Variants in IQCM observed in about 807,000 individuals in gnomAD.
IQCM encodes the protein IQ domain-containing protein M.
A neutral mutation model predicts 57.6 loss-of-function variants in IQCM; 45 were observed. That is an observed-to-expected ratio of 0.78 (90% CI 0.62 to 1.00). IQCM has a LOEUF of 1.00. IQCM is among the 50% of genes least tolerant of loss of function. The pLI, the probability that IQCM is intolerant of heterozygous loss-of-function variation, is 0.00. For synonymous variants in IQCM, 148 were observed against 158.9 expected, an observed-to-expected ratio of 0.93 and a Z score of 0.51; for missense variants, 468 against 511.6, an observed-to-expected ratio of 0.91 and a Z score of 0.82.
chr4:149,566,553 G>C (rs1039870301), intron 9 of IQCM, among the ~76,000 whole-genome samples: 5 of 152,094 alleles, frequency 3.3e-5, no homozygotes, highest in Non-Finnish European at 5.9e-5. Context: ...CAAAGAAAGA[G>C]AGACACAGAC....
At chr4:149,614,662 T>C (rs935254897) in intron 8 of IQCM, among the ~76,000 whole-genome samples, 3 of 120,336 alleles carry the variant, frequency 2.5e-5, no homozygotes, top group African/African-American at 2.8e-5. Context: ...CTGGGCAACA[T>C]TGGAAGAAGA....
chr4:149,495,708 G>A (rs1742583801), intron 12 of IQCM, among the ~76,000 whole-genome samples: 1 of 152,078 alleles, frequency 6.6e-6, no homozygotes, highest in Non-Finnish European at 1.5e-5. Context: ...AGAGCAGGGT[G>A]GAGCTGCCAG....
intron 2 of IQCM, among the ~76,000 whole-genome samples, chr4:149,751,697 T>C (rs1768462645): frequency 1.3e-5 from 2 of 152,208 alleles, no homozygotes; most frequent in Non-Finnish European, 2.9e-5. Context: ...AAGTACTCAT[T>C]TCCATATCTG....
At chr4:149,627,805 A>G (rs1246692579) in intron 7 of IQCM, among the ~76,000 whole-genome samples, 1 of 152,196 alleles carries the variant, frequency 6.6e-6, no homozygotes, top group East Asian at 1.9e-4. Flanking sequence ...GAGGGAGATT[A>G]TCCGGGATTG....
chr4:149,649,774 T>C (rs1408837281), intron 7 of IQCM, among the ~76,000 whole-genome samples: 1 of 152,140 alleles, frequency 6.6e-6, no homozygotes, highest in Non-Finnish European at 1.5e-5. Flanking sequence ...ATAAAATAGA[T>C]AGCTAGGAAA....
chr4:149,747,572 C>G (rs893183200), intron 2 of IQCM, among the ~76,000 whole-genome samples: 1 of 152,152 alleles, frequency 6.6e-6, no homozygotes, highest in Admixed American at 6.6e-5. Flanking sequence ...TTAGTTGAAT[C>G]TACATATGTG....
At chr4:149,508,683 T>C (rs185398479) in intron 12 of IQCM, among the ~76,000 whole-genome samples, 7 of 152,352 alleles carry the variant, frequency 4.6e-5, no homozygotes, top group Non-Finnish European at 7.3e-5. Context: ...GATGAGACTT[T>C]GGACTATGGA....
In IQCM at chr4:149,429,841, G is replaced by A. The variant is rs936229751; in HGVS notation, c.1390+3555C>T. The stretch of plus-strand genomic sequence containing the variant: ...ACCATGTAATTCAAAAAGATTCAAG[G>A]CTCTGGTAACTTACCCAAAGAAAAA... On this transcript the variant is annotated intron_variant, in intron 13 of 13. Transcript: ENST00000636793. The A allele has an allele frequency of 2.0e-5, 8 of 410,156 alleles. No individual in the cohort carries two copies. In the South Asian group the frequency reaches 1.1e-3, roughly 55 times the overall value. 25.4% of individuals were successfully genotyped at this position (410,156 alleles called of 1,614,324 possible).
At chr4:149,562,225 G>A (rs2654797) in intron 10 of IQCM, among the ~76,000 whole-genome samples, 3 of 152,200 alleles carry the variant, frequency 2.0e-5, no homozygotes, top group South Asian at 4.1e-4. Context: ...GCACATGGCA[G>A]ATAGATTTGA....
At chr4:149,520,388 G>A (rs111532304) in intron 12 of IQCM, among the ~76,000 whole-genome samples, 1 of 152,052 alleles carries the variant, frequency 6.6e-6, no homozygotes, top group African/African-American at 2.4e-5. Flanking sequence ...CATTTTGCCT[G>A]TTGTCCCAGG....
intron 12 of IQCM, among the ~76,000 whole-genome samples, chr4:149,503,135 T>C (rs1344093256): frequency 6.6e-6 from 1 of 152,042 alleles, no homozygotes; most frequent in Non-Finnish European, 1.5e-5. Context: ...GCAGGAGGAC[T>C]GCTTGAGCCC....
Position 149,481,578 on chromosome 4 carries a change from T to A in IQCM, c.1229-48021A>T, listed in dbSNP as rs908413642. Among the ~76,000 whole-genome samples the A allele has an allele frequency of 2.0e-5, 3 of 152,034 alleles. No individual in the cohort carries two copies. In the South Asian group the frequency reaches 6.2e-4, roughly 31 times the overall value. ...GTTCACTGTAGGTGTGTGGATTTCT[T>A]TCTGAGTTTTCAATTCTGTTCCATT... On this transcript the variant is annotated intron_variant, in intron 12 of 13. Coordinates refer to ENST00000636793, the MANE Select transcript of IQCM (RefSeq NM_001363507.2).
intron 8 of IQCM, among the ~76,000 whole-genome samples, chr4:149,611,790 T>C (rs886812214): frequency 5.3e-5 from 8 of 151,982 alleles, no homozygotes; most frequent in African/African-American, 1.7e-4. Context: ...AGGGCAACTA[T>C]GGTTAACTAT....
intron 7 of IQCM, among the ~76,000 whole-genome samples, chr4:149,656,018 C>T (rs1215579059): frequency 6.6e-6 from 1 of 152,042 alleles, no homozygotes; most frequent in African/African-American, 2.4e-5. Context: ...CATACAAAGG[C>T]ATGGAATCAC....
At chr4:149,519,190 C>G (rs1245812296) in intron 12 of IQCM, among the ~76,000 whole-genome samples, 1 of 152,114 alleles carries the variant, frequency 6.6e-6, no homozygotes, top group East Asian at 1.9e-4. Flanking sequence ...CAGTGTTACA[C>G]AAAGTTGTGA....
At chr4:149,500,335 T>C (rs1328762505) in intron 12 of IQCM, among the ~76,000 whole-genome samples, 1 of 152,188 alleles carries the variant, frequency 6.6e-6, no homozygotes. Context: ...TAGTATCTTT[T>C]AAATAATATA....
chr4:149,418,150 T>A (rs1019523179), intron 13 of IQCM, among the ~76,000 whole-genome samples: 4 of 135,166 alleles, frequency 3.0e-5, no homozygotes, highest in South Asian at 2.4e-4. Flanking sequence ...CTTTAAAAAA[T>A]CAATGAATCC....
At chr4:149,468,424 G>C (rs939043646) in intron 12 of IQCM, among the ~76,000 whole-genome samples, 6 of 152,210 alleles carry the variant, frequency 3.9e-5, no homozygotes, top group Admixed American at 1.3e-4. Context: ...AGCGAGGCTG[G>C]GGGAGGGGCG....
At chr4:149,359,511 T>C (rs1729324921) in intron 13 of IQCM, among the ~76,000 whole-genome samples, 1 of 152,170 alleles carries the variant, frequency 6.6e-6, no homozygotes, top group African/African-American at 2.4e-5. Context: ...TGTAGATAAT[T>C]AGGAAATAAT....
Sources: allele counts gnomAD v4.1 joint callset (sites outside exome capture counted in the v4.1 genomes callset), GRCh38; gene constraint gnomAD v4.1.1; transcripts MANE v1.5; gene names NCBI Gene and HGNC (gene_info 2026-07-23, HGNC 2026-07-21).